Variants in DIAPH1 observed in about 807,000 individuals in gnomAD.
DIAPH1 encodes the protein diaphanous related formin 1.
In DIAPH1, 46 loss-of-function variants were observed where a neutral mutation model predicts 140.7. The observed-to-expected ratio is 0.33, with a 90% CI of 0.26 to 0.42. The LOEUF is 0.42. Among genes scored for constraint, DIAPH1 ranks in the 10% least tolerant of loss-of-function variants. DIAPH1 has a pLI of 1.00. For synonymous variants in DIAPH1, 565 were observed against 551.6 expected (o/e 1.02, Z -0.34); for missense variants, 1,310 against 1,558.7 (o/e 0.84, Z 2.69).
chr5:141,561,643 A>C (rs2099893557), intron 18 of DIAPH1, among the ~76,000 whole-genome samples: 1 of 152,242 alleles, frequency 6.6e-6, no homozygotes, highest in South Asian at 2.1e-4. Flanking sequence ...TAGTACCCTA[A>C]CAAAATCTCT....
intron 1 of DIAPH1, among the ~76,000 whole-genome samples, chr5:141,615,722 A>G (rs1037337415): frequency 6.6e-6 from 1 of 152,286 alleles, no homozygotes; most frequent in East Asian, 1.9e-4. Flanking sequence ...CAGCCTGGGC[A>G]ACAGAGCGAG....
chr5:141,600,627 C>T (rs2099900000), intron 1 of DIAPH1, among the ~76,000 whole-genome samples: 1 of 152,036 alleles, frequency 6.6e-6, no homozygotes. Flanking sequence ...TGCTTCAGTT[C>T]CCCCATTTAT....
chr5:141,576,181 C>A, intron 14 of DIAPH1, 49 bp downstream of exon 14: 1 of 1,420,450 alleles, frequency 7.0e-7, no homozygotes, highest in South Asian at 1.2e-5. Flanking sequence ...AATAATAATT[C>A]TCAAAGAAAG....
intron 1 of DIAPH1, among the ~76,000 whole-genome samples, chr5:141,617,720 G>T (rs2099902913): frequency 6.6e-6 from 1 of 152,138 alleles, no homozygotes; most frequent in Admixed American, 6.5e-5. Flanking sequence ...ACAGTGCCCC[G>T]TATCTTACAA....
intron 1 of DIAPH1, among the ~76,000 whole-genome samples, chr5:141,595,919 C>T (rs893494317): frequency 6.6e-6 from 1 of 152,196 alleles, no homozygotes. Flanking sequence ...TGTGGTGGCT[C>T]ACATCTGTAA....
chr5:141,560,880 C>A (rs199698313), intron 18 of DIAPH1: 3 of 449,646 alleles, frequency 6.7e-6, no homozygotes, highest in African/African-American at 2.1e-5. Flanking sequence ...CGTCATACTG[C>A]TGTTTTTTTC....
chr5:141,615,302 G>A (rs886097610), intron 1 of DIAPH1, among the ~76,000 whole-genome samples: 2 of 151,436 alleles, frequency 1.3e-5, no homozygotes, highest in Admixed American at 1.3e-4. Flanking sequence ...GTGTGGCGGC[G>A]TACACCTGTA....
At chr5:141,602,212 C>A (rs535321038) in intron 1 of DIAPH1, among the ~76,000 whole-genome samples, 4 of 151,972 alleles carry the variant, frequency 2.6e-5, no homozygotes, top group Admixed American at 6.5e-5. Context: ...CTAGCTTTGC[C>A]ACAAAAAAAA....
chr5:141,574,888 G>A (rs2099895731), intron 15 of DIAPH1, 79 bp downstream of exon 15: 5 of 1,496,184 alleles, frequency 3.3e-6, no homozygotes, highest in Non-Finnish European at 4.7e-6. Context: ...CTCCCTAGGA[G>A]CGAGATGACT....
intron 3 of DIAPH1, 100 bp downstream of exon 3, chr5:141,586,942 C>T: frequency 7.8e-7 from 1 of 1,279,934 alleles, no homozygotes; most frequent in South Asian, 1.2e-5. Flanking sequence ...GCCTGGAATT[C>T]TTTGTAATAA....
chr5:141,577,349 T>C, intron 12 of DIAPH1, 126 bp downstream of exon 12: 1 of 780,838 alleles, frequency 1.3e-6, no homozygotes, highest in Non-Finnish European at 2.3e-6. Flanking sequence ...TATCGGTGAC[T>C]AATGAACCCT....
At chr5:141,523,031 T>A (rs935234181) in intron 27 of DIAPH1, among the ~76,000 whole-genome samples, 8 of 152,214 alleles carry the variant, frequency 5.3e-5, no homozygotes, top group African/African-American at 1.9e-4. Flanking sequence ...TGAGTTTACA[T>A]AGGCTAGCAT....
At chr5:141,582,226 T>C (rs965089780) in intron 7 of DIAPH1, 86 bp downstream of exon 7, 38 of 971,940 alleles carry the variant, frequency 3.9e-5, no homozygotes, top group Non-Finnish European at 5.6e-5. Flanking sequence ...GAACCTCATA[T>C]TCCTAGTTCC....
intron 1 of DIAPH1, among the ~76,000 whole-genome samples, chr5:141,605,455 AT>A (rs972532012): frequency 3.3e-5 from 5 of 152,268 alleles, no homozygotes; most frequent in Admixed American, 3.3e-4. Context: ...TCATTAGCAC[AT>A]CATCTAAAAG....
chr5:141,545,876 C>T (rs1200686882), intron 18 of DIAPH1, among the ~76,000 whole-genome samples: 9 of 152,108 alleles, frequency 5.9e-5, no homozygotes, highest in Admixed American at 5.9e-4. Context: ...AACATGTTGG[C>T]CGTAGTTTGC....
intron 18 of DIAPH1, among the ~76,000 whole-genome samples, chr5:141,560,434 A>G (rs533202578): frequency 2.0e-5 from 3 of 152,324 alleles, no homozygotes; most frequent in Admixed American, 2.0e-4. Context: ...TTTACTTGCT[A>G]TAAAATCTTA....
intron 1 of DIAPH1, among the ~76,000 whole-genome samples, chr5:141,613,233 C>A (rs1051818189): frequency 6.6e-6 from 1 of 152,222 alleles, no homozygotes; most frequent in African/African-American, 2.4e-5. Flanking sequence ...TTCTATCCCC[C>A]GCCTTGGAGG....
Position 141,576,252 on chromosome 5 carries a change from T to C in DIAPH1, c.1439A>G (p.Lys480Arg), listed in dbSNP as rs547070097. Residue 480 changes from lysine (K) to arginine (R), a missense_variant, in exon 14 of 28, where the codon AAA becomes AGA. Transcript: ENST00000389054. ...CACCTTCTTTTCCAGCTCTGCAGCT[T>C]TGGCTTCAGATTTCTCCACCTTTGT... The part of the protein sequence containing the change: ...DKTKVEKSEA[K>R]AAELEKKLDS... 18 of 1,614,014 alleles carry C rather than the reference T, an allele frequency of 1.1e-5. No individual in the cohort carries two copies. The Admixed American group carries it at 2.0e-4, about 18-fold the overall frequency.
chr5:141,578,587 T>C lies in DIAPH1; in HGVS notation c.972A>G (p.Pro324=). 1.2e-6 allele frequency: 2 copies of C among 1,613,702 alleles called. No homozygotes were observed. The highest frequency in any genetic ancestry group is 1.7e-6 in the Non-Finnish European group (2 of 1,180,004). The change falls in exon 10 of 28, where the codon CCA becomes CCG. Residue 324 remains proline, a synonymous_variant. Coordinates refer to ENST00000389054, the MANE Select transcript of DIAPH1 (RefSeq NM_005219.5). ...GAACTCGGAAGTCAAGTTCCTCCGC[T>C]GGTGTGATGAGAGCATTGATCAGCT... is the stretch of plus-strand genomic sequence containing the variant. ...CLQLINALIT[P]AEELDFRVHI...
Sources: allele counts gnomAD v4.1 joint callset (sites outside exome capture counted in the v4.1 genomes callset), GRCh38; gene constraint gnomAD v4.1.1; transcripts MANE v1.5; gene names NCBI Gene and HGNC (gene_info 2026-07-23, HGNC 2026-07-21).